TGFBR1: variants seen among roughly 807,000 people sequenced by gnomAD.
TGFBR1 encodes the protein TGF-beta receptor type-1.
Under a neutral mutation model 55.1 loss-of-function variants are expected in TGFBR1, and 20 were observed. The observed-to-expected ratio is 0.36, with a 90% CI of 0.26 to 0.53. TGFBR1 has a LOEUF of 0.53. Ranked by LOEUF, TGFBR1 falls within the 20% of genes least tolerant of loss-of-function variation. The pLI is 0.91. For synonymous variants in TGFBR1, 220 were observed against 214.8 expected (o/e 1.02, Z -0.21); for missense variants, 385 against 617.6 (o/e 0.62, Z 3.99).
At chr9:99,114,387 A>G (rs572988443) in intron 1 of TGFBR1, among the ~76,000 whole-genome samples, 1 of 152,346 alleles carries the variant, frequency 6.6e-6, no homozygotes, top group African/African-American at 2.4e-5. Flanking sequence ...CTCATTGCCT[A>G]TCGAGAATTC....
At chr9:99,108,439 TC>T (rs1488397515) in intron 1 of TGFBR1, among the ~76,000 whole-genome samples, 1 of 152,224 alleles carries the variant, frequency 6.6e-6, no homozygotes, top group Admixed American at 6.5e-5. Context: ...AAACATCCTT[TC>T]TGATTGGTTG....
intron 4 of TGFBR1, among the ~76,000 whole-genome samples, chr9:99,138,867 G>A (rs1002241442): frequency 2.0e-5 from 3 of 151,644 alleles, no homozygotes; most frequent in East Asian, 1.9e-4. Flanking sequence ...GTGCAATCTC[G>A]GCTCACTGCA....
Position 99,151,690 on chromosome 9 carries a change from G to A in TGFBR1, c.*2385G>A. 8.9e-6 allele frequency: 2 copies of A among 225,430 alleles called. No individual in the cohort carries two copies. The highest frequency in any genetic ancestry group is 1.3e-4 in the East Asian group (2 of 15,500). The allele number at this position is 225,430 out of a possible 1,614,324, so 14.0% of individuals were successfully genotyped here. On this transcript the variant is annotated 3_prime_UTR_variant, in exon 9 of 9. Coordinates refer to ENST00000374994, the MANE Select transcript of TGFBR1 (RefSeq NM_004612.4). The stretch of plus-strand genomic sequence containing the variant: ...TGAATCAGGGAATTTTTTTAAAGTT[G>A]GAGTTTAGTTCTAAATTGACTTTAC...
At chr9:99,137,638 C>T (rs964319033) in intron 3 of TGFBR1, among the ~76,000 whole-genome samples, 1 of 152,162 alleles carries the variant, frequency 6.6e-6, no homozygotes, top group African/African-American at 2.4e-5. Context: ...CTACCTTGAC[C>T]CTCTAGCAGG....
intron 3 of TGFBR1, 22 bp from the exon 4 acceptor site, chr9:99,137,837 T>G (rs898769199): frequency 5.1e-6 from 8 of 1,581,862 alleles, no homozygotes; most frequent in Non-Finnish European, 7.0e-6. Context: ...TTGTGTTGAG[T>G]ACTATTTATT....
At chr9:99,122,453 G>A (rs972545620) in intron 1 of TGFBR1, among the ~76,000 whole-genome samples, 5 of 152,004 alleles carry the variant, frequency 3.3e-5, no homozygotes, top group South Asian at 2.1e-4. Context: ...ACCTCGAGAC[G>A]TACTGAAATG....
In TGFBR1 at chr9:99,144,858, T is replaced by C. The variant is rs1564171766; in HGVS notation, c.1100T>C (p.Ile367Thr). The change falls in exon 6 of 9, where the codon ATT becomes ACT. Residue 367 changes from isoleucine (I) to threonine (T), a missense_variant. Physicochemically the swap from Ile to Thr is moderately conservative, Grantham distance 89 (BLOSUM62 -1). Around this residue, in one of 5 missense-constraint regions of TGFBR1, gnomAD observed 85 missense variants for 228.4 expected, o/e 0.37. Coordinates refer to ENST00000374994, the MANE Select transcript of TGFBR1 (RefSeq NM_004612.4). Reference sequence around the variant, plus strand: ...GATTCAGCCACAGATACCATTGATATTGCTCCAAACCACAGAGTGGGAACA... The same window carrying C: ...GATTCAGCCACAGATACCATTGATACTGCTCCAAACCACAGAGTGGGAACA... ...RHDSATDTID[I>T]APNHRVGTKR... 6.2e-7 allele frequency: 1 copy of C among 1,614,028 alleles called. No individual in the cohort carries two copies. Among genetic ancestry groups the C allele is most frequent in the Non-Finnish European group, 8.5e-7 (1 of 1,179,924 alleles).
At chr9:99,138,479 G>T (rs1827508287) in intron 4 of TGFBR1, among the ~76,000 whole-genome samples, 1 of 152,184 alleles carries the variant, frequency 6.6e-6, no homozygotes, top group Admixed American at 6.5e-5. Context: ...TGACCAGTAG[G>T]ATGTTTCAAT....
At chr9:99,147,622 AT>A in intron 7 of TGFBR1, 31 bp from the exon 8 acceptor site, 1 of 1,601,940 alleles carries the variant, frequency 6.2e-7, no homozygotes, top group Admixed American at 1.7e-5. Flanking sequence ...GAATAAATTC[AT>A]CAAAATTTAA....
At chr9:99,135,106 G>A (rs1445359095) in intron 3 of TGFBR1, among the ~76,000 whole-genome samples, 1 of 152,034 alleles carries the variant, frequency 6.6e-6, no homozygotes, top group African/African-American at 2.4e-5. Context: ...GTAGAGTTAT[G>A]TCCAAATGAC....
intron 4 of TGFBR1, among the ~76,000 whole-genome samples, chr9:99,141,786 T>C (rs1159547269): frequency 2.0e-5 from 3 of 152,250 alleles, no homozygotes; most frequent in African/African-American, 7.2e-5. Flanking sequence ...CTAGTGTCTT[T>C]ACCATTATTC....
At chr9:99,137,048 A>G (rs1356564012) in intron 3 of TGFBR1, among the ~76,000 whole-genome samples, 1 of 152,204 alleles carries the variant, frequency 6.6e-6, no homozygotes, top group Non-Finnish European at 1.5e-5. Context: ...AAATGAAGTA[A>G]GTATGGCAAT....
chr9:99,105,326 G>T lies in TGFBR1; in HGVS notation c.97+24G>T, dbSNP rs1465844939. 5 of 981,076 alleles carry T rather than the reference G, an allele frequency of 5.1e-6. No individual in the cohort carries two copies. In the African/African-American group the frequency reaches 7.1e-5, roughly 14 times the overall value. The allele number at this position is 981,076 out of a possible 1,614,324, so 60.8% of individuals were successfully genotyped here. On this transcript the variant is annotated intron_variant, in intron 1 of 8. Coordinates refer to ENST00000374994, the MANE Select transcript of TGFBR1 (RefSeq NM_004612.4). ...GGGTGAGCGGCGGCGCGGCGGGCGGGCGACTGCGGGGCGCGCGGGCCGGAC... is the reference window on the plus strand; with the variant it reads ...GGGTGAGCGGCGGCGCGGCGGGCGGTCGACTGCGGGGCGCGCGGGCCGGAC...
chr9:99,128,937 G>C lies in TGFBR1; in HGVS notation c.180G>C (p.Glu60Asp), dbSNP rs1171355842. ...TDGLCFVSVTETTDKVIHNSM... is the reference protein window; with the variant it reads ...TDGLCFVSVTDTTDKVIHNSM... ...GGCTCTGCTTTGTCTCTGTCACAGAGACCACAGACAAAGTTATACACAACA... is the reference window on the plus strand; with the variant it reads ...GGCTCTGCTTTGTCTCTGTCACAGACACCACAGACAAAGTTATACACAACA... The change falls in exon 2 of 9, where the codon GAG (glutamate) becomes GAC (aspartate). Residue 60 changes from glutamate (E) to aspartate (D), a missense_variant. Glu to Asp is a conservative substitution (Grantham distance 45). This residue lies in a region of TGFBR1 where 146 missense variants were observed against 167.7 expected (regional missense o/e 0.87). Coordinates refer to ENST00000374994, the MANE Select transcript of TGFBR1 (RefSeq NM_004612.4). 2 of 1,613,846 alleles carry C rather than the reference G, an allele frequency of 1.2e-6. No homozygotes were observed. The highest frequency in any genetic ancestry group is 1.7e-6 in the Non-Finnish European group (2 of 1,179,932).
intron 1 of TGFBR1, 108 bp downstream of exon 1, chr9:99,105,410 T>C: frequency 1.1e-6 from 1 of 906,050 alleles, no homozygotes; most frequent in Non-Finnish European, 1.3e-6. Context: ...GGGGCGCAGG[T>C]GGCGGCGCCG....
At chr9:99,112,878 C>T (rs1242022822) in intron 1 of TGFBR1, among the ~76,000 whole-genome samples, 1 of 152,048 alleles carries the variant, frequency 6.6e-6, no homozygotes, top group South Asian at 2.1e-4. Flanking sequence ...TGGGAGAGCA[C>T]CTTAAGCAAA....
intron 1 of TGFBR1, among the ~76,000 whole-genome samples, chr9:99,109,863 AG>A (rs2118251656): frequency 6.6e-6 from 1 of 152,336 alleles, no homozygotes; most frequent in East Asian, 1.9e-4. Flanking sequence ...CTTGAGGAAA[AG>A]TTTTGGAGTC....
intron 1 of TGFBR1, among the ~76,000 whole-genome samples, chr9:99,125,579 G>A (rs1827016443): frequency 1.3e-5 from 2 of 152,066 alleles, no homozygotes; most frequent in African/African-American, 2.4e-5. Flanking sequence ...CCATATGGTC[G>A]ATTCAAATTC....
intron 6 of TGFBR1, among the ~76,000 whole-genome samples, chr9:99,146,119 G>A (rs1397624672): frequency 2.0e-5 from 3 of 151,932 alleles, no homozygotes; most frequent in South Asian, 4.2e-4. Context: ...GAGTATATTC[G>A]TGCCCTTCCT....
Sources: gnomAD v4.1 joint callset for allele counts (sites outside exome capture counted in the v4.1 genomes callset) on GRCh38, gnomAD v4.1.1 for gene constraint, gnomAD v4.1.1 regional missense constraint, MANE v1.5 for transcripts, NCBI Gene and HGNC (gene_info 2026-07-23, HGNC 2026-07-21) for gene names.